The following CHD9 variants were observed in gnomAD, a reference collection of about 807,000 sequenced individuals.
CHD9 encodes chromodomain helicase DNA binding protein 9.
CHD9 carries 77 observed loss-of-function variants against 316.1 expected under a neutral mutation model. The ratio of observed to expected loss-of-function variants is 0.24; its 90% CI spans 0.20 to 0.29. The LOEUF (loss-of-function observed/expected upper bound fraction) is 0.29, where lower values mean the gene tolerates loss of function less well. Ranked by LOEUF, CHD9 falls within the 10% of genes least tolerant of loss-of-function variation. CHD9 has a pLI of 1.00. For synonymous variants in CHD9, 1,129 were observed against 1,158.3 expected (o/e 0.97, Z 0.51); for missense variants, 2,763 against 3,438.1 (o/e 0.80, Z 4.91).
intron 29 of CHD9, among the ~76,000 whole-genome samples, chr16:53,296,728 A>C (rs1358659783): frequency 6.6e-6 from 1 of 152,124 alleles, no homozygotes; most frequent in Non-Finnish European, 1.5e-5. Context: ...TACAGGCATG[A>C]GCCACCGCGC....
intron 1 of CHD9, among the ~76,000 whole-genome samples, chr16:53,062,089 C>T (rs1412351501): frequency 1.3e-5 from 2 of 152,342 alleles, no homozygotes; most frequent in Middle Eastern, 3.4e-3. Context: ...TGGCCTTTCA[C>T]TTCCTCCAAC....
At chr16:53,258,713 A>G (rs1224062606) in intron 19 of CHD9, among the ~76,000 whole-genome samples, 1 of 152,174 alleles carries the variant, frequency 6.6e-6, no homozygotes, top group Admixed American at 6.5e-5. Flanking sequence ...CAGACTTAGT[A>G]CATATACATC....
At chr16:53,096,466 TA>T (rs2036389610) in intron 1 of CHD9, among the ~76,000 whole-genome samples, 1 of 152,214 alleles carries the variant, frequency 6.6e-6, no homozygotes, top group South Asian at 2.1e-4. Flanking sequence ...CCTTTACTTT[TA>T]TTATTTCATT....
chr16:53,309,261 G>A (rs994754180), intron 34 of CHD9, among the ~76,000 whole-genome samples: 2 of 152,132 alleles, frequency 1.3e-5, no homozygotes, highest in African/African-American at 4.8e-5. Flanking sequence ...ATCCCTAAAA[G>A]GTAATTATTC....
chr16:53,185,330 A>G (rs1356276557), intron 2 of CHD9, among the ~76,000 whole-genome samples: 1 of 152,216 alleles, frequency 6.6e-6, no homozygotes, highest in African/African-American at 2.4e-5. Flanking sequence ...GAACTGGAGT[A>G]AAGGTCACTT....
chr16:53,265,653 T>A (rs2051591940), intron 20 of CHD9, among the ~76,000 whole-genome samples: 1 of 152,130 alleles, frequency 6.6e-6, no homozygotes, highest in Non-Finnish European at 1.5e-5. Context: ...TAATTTGTGA[T>A]AAAAGATTTT....
intron 19 of CHD9, among the ~76,000 whole-genome samples, chr16:53,262,223 A>G (rs960118220): frequency 6.6e-6 from 1 of 152,130 alleles, no homozygotes; most frequent in Non-Finnish European, 1.5e-5. Context: ...TTTCATTTTT[A>G]TAAAGCATTT....
intron 2 of CHD9, among the ~76,000 whole-genome samples, chr16:53,197,802 C>T (rs916112758): frequency 1.3e-5 from 2 of 152,014 alleles, no homozygotes; most frequent in Non-Finnish European, 2.9e-5. Context: ...GGACTACAGG[C>T]GTGCACCACC....
intron 1 of CHD9, among the ~76,000 whole-genome samples, chr16:53,075,385 A>T (rs7196988): frequency 0.67 from 102,205 of 151,452 alleles, 35,228 homozygotes; most frequent in African/African-American, 0.76. Flanking sequence ...TGGGAAGGCA[A>T]GATTGGTTTT....
chr16:53,071,722 C>A (rs1455997772), intron 1 of CHD9, among the ~76,000 whole-genome samples: 2 of 152,186 alleles, frequency 1.3e-5, no homozygotes, highest in Admixed American at 1.3e-4. Flanking sequence ...CTCGCCCACC[C>A]CTCGGTCCTG....
chr16:53,225,538 A>C (rs1414853595), intron 4 of CHD9, among the ~76,000 whole-genome samples: 2 of 152,144 alleles, frequency 1.3e-5, no homozygotes, highest in African/African-American at 4.8e-5. Context: ...TTAGATATTT[A>C]GGGAGGTAAG....
intron 17 of CHD9, among the ~76,000 whole-genome samples, chr16:53,252,785 A>G (rs1215388419): frequency 1.3e-5 from 2 of 152,204 alleles, no homozygotes; most frequent in African/African-American, 4.8e-5. Context: ...TGGCTGACAA[A>G]CATGTGAAAA....
intron 12 of CHD9, among the ~76,000 whole-genome samples, chr16:53,240,233 A>G (rs2048975895): frequency 6.6e-6 from 1 of 152,112 alleles, no homozygotes; most frequent in Non-Finnish European, 1.5e-5. Flanking sequence ...TTACTCGTAC[A>G]TTTGTAGAAT....
At chr16:53,223,116 T>C (rs1206412882) in intron 4 of CHD9, among the ~76,000 whole-genome samples, 1 of 152,186 alleles carries the variant, frequency 6.6e-6, no homozygotes, top group African/African-American at 2.4e-5. Context: ...ATTTTTTAAA[T>C]CACATACAAA....
intron 1 of CHD9, among the ~76,000 whole-genome samples, chr16:53,055,501 C>CT (rs1409880980): frequency 2.6e-5 from 4 of 151,636 alleles, no homozygotes; most frequent in African/African-American, 9.7e-5. Flanking sequence ...CCCGCCCCCC[C>CT]CCAGAGACTC....
At chr16:53,095,942 G>T (rs2036339342) in intron 1 of CHD9, among the ~76,000 whole-genome samples, 1 of 152,162 alleles carries the variant, frequency 6.6e-6, no homozygotes, top group Non-Finnish European at 1.5e-5. Context: ...CCAACTGAAA[G>T]GGTATTAAGT....
rs906771776 is a variant in CHD9 at position 53,273,669 on chromosome 16, A to G, written c.4761A>G (p.Val1587=). The change falls in exon 23 of 39, where the codon GTA becomes GTG. Residue 1587 remains valine, a synonymous_variant. Coordinates refer to ENST00000447540, the MANE Select transcript of CHD9 (RefSeq NM_001308319.2). ...CCAGGGGTCGAAAAGGGAAGAAAGTAAAAACTCAAACAAGCTCATTTGATA... is the reference window on the plus strand; with the variant it reads ...CCAGGGGTCGAAAAGGGAAGAAAGTGAAAACTCAAACAAGCTCATTTGATA... The part of the protein sequence containing the change: ...PVPRGRKGKK[V]KTQTSSFDIQ... 3 of 1,613,104 alleles carry G rather than the reference A, an allele frequency of 1.9e-6. No individual in the cohort carries two copies. The highest frequency in any genetic ancestry group is 1.7e-6 in the Non-Finnish European group (2 of 1,179,356).
chr16:53,279,462 T>G (rs2053200821), intron 24 of CHD9, among the ~76,000 whole-genome samples: 1 of 152,170 alleles, frequency 6.6e-6, no homozygotes, highest in African/African-American at 2.4e-5. Flanking sequence ...TATACATATG[T>G]AACAAATCTG....
intron 2 of CHD9, among the ~76,000 whole-genome samples, chr16:53,203,641 T>A (rs1421835128): frequency 6.6e-6 from 1 of 152,204 alleles, no homozygotes; most frequent in Non-Finnish European, 1.5e-5. Flanking sequence ...AATGCAGTTA[T>A]ATCTCTGTTG....
Sources: allele counts gnomAD v4.1 joint callset (sites outside exome capture counted in the v4.1 genomes callset), GRCh38; gene constraint gnomAD v4.1.1; transcripts MANE v1.5; gene names NCBI Gene and HGNC (gene_info 2026-07-23, HGNC 2026-07-21).